The following SHCBP1 variants were observed in gnomAD, a reference collection of about 807,000 sequenced individuals.
SHCBP1 encodes SHC binding and spindle associated 1.
SHCBP1 carries 60 observed loss-of-function variants against 75.1 expected under a neutral mutation model. The observed-to-expected ratio is 0.80, with a 90% CI of 0.65 to 0.99. SHCBP1 has a LOEUF of 0.99. SHCBP1 is among the 50% of genes least tolerant of loss of function. The probability of loss-of-function intolerance (pLI) is 0.00; values close to 1 mark genes in which losing one functional copy is unlikely to be tolerated. For synonymous variants in SHCBP1, 290 were observed against 293.2 expected (o/e 0.99, Z 0.11); for missense variants, 709 against 809.4 (o/e 0.88, Z 1.50).
At chr16:46,586,888 TAAG>T (rs1448042142) in intron 10 of SHCBP1, among the ~76,000 whole-genome samples, 4 of 151,868 alleles carry the variant, frequency 2.6e-5, no homozygotes, top group Non-Finnish European at 5.9e-5. Flanking sequence ...CAAGATATTC[TAAG>T]AAGAAGGAAA....
intron 10 of SHCBP1, among the ~76,000 whole-genome samples, chr16:46,591,374 G>A (rs1965045667): frequency 6.6e-6 from 1 of 152,016 alleles, no homozygotes; most frequent in Admixed American, 6.6e-5. Context: ...AAGCAGGTGT[G>A]GCTATATTCA....
At chr16:46,589,663 T>G (rs1451016031) in intron 10 of SHCBP1, among the ~76,000 whole-genome samples, 1 of 151,968 alleles carries the variant, frequency 6.6e-6, no homozygotes, top group Non-Finnish European at 1.5e-5. Context: ...CACTGCTCAA[T>G]GAAATAAAAG....
intron 5 of SHCBP1, among the ~76,000 whole-genome samples, chr16:46,605,964 G>A (rs1290324365): frequency 1.3e-5 from 2 of 148,514 alleles, no homozygotes; most frequent in Non-Finnish European, 3.0e-5. Context: ...GAACAGCTGT[G>A]AAAAAAAAAG....
intron 10 of SHCBP1, among the ~76,000 whole-genome samples, chr16:46,587,137 G>A (rs1457810586): frequency 2.0e-5 from 3 of 152,032 alleles, no homozygotes; most frequent in Non-Finnish European, 2.9e-5. Context: ...CTAGATGTAC[G>A]TACATAAGGC....
intron 1 of SHCBP1, among the ~76,000 whole-genome samples, chr16:46,618,576 C>T (rs2334117): frequency 8.4e-6 from 1 of 119,346 alleles, no homozygotes; most frequent in African/African-American, 2.5e-5. Flanking sequence ...AAACAATAAG[C>T]GCTTAAGATC....
At position 46,616,620 on chromosome 16, in the gene SHCBP1, G is replaced by A. The variant is rs1965504039; in HGVS notation, c.388-466C>T. ...GAGCAGCAAGATATGAGGTGAGAAAGAGAGGCAACGAGACCAGGACATGAA... is the reference window on the plus strand; with the variant it reads ...GAGCAGCAAGATATGAGGTGAGAAAAAGAGGCAACGAGACCAGGACATGAA... On this transcript the variant is annotated intron_variant, in intron 3 of 12. Transcript: ENST00000303383. The surrounding 1 kb of genome is among the most constrained non-coding windows in gnomAD (Gnocchi z 4.4). Among the ~76,000 whole-genome samples, 2 of 152,144 alleles carry A rather than the reference G, an allele frequency of 1.3e-5. 1 individual carries two copies. The highest frequency in any genetic ancestry group is 4.1e-4 in the South Asian group (2 of 4,830).
At chr16:46,602,873 T>C (rs754598720) in intron 8 of SHCBP1, among the ~76,000 whole-genome samples, 1 of 152,156 alleles carries the variant, frequency 6.6e-6, no homozygotes, top group African/African-American at 2.4e-5. Flanking sequence ...TCAAGTGATC[T>C]GCCCACCTCG....
intron 1 of SHCBP1, chr16:46,620,463 G>A (rs1965568581): frequency 6.6e-6 from 1 of 152,138 alleles, no homozygotes; most frequent in Non-Finnish European, 1.5e-5. Flanking sequence ...ATGCCATGCA[G>A]TATTTATTTT....
rs1391436820 is a variant in SHCBP1, at chr16:46,615,463, T to G, written c.596+483A>C. ...TGATTTAAAACATTTTTAGACCAGG[T>G]GCACGGTGGGTCACACCTGTAATCC... On this transcript the variant is annotated intron_variant, in intron 4 of 12. Transcript: ENST00000303383. 4.6e-5 allele frequency among the ~76,000 whole-genome samples: 7 copies of G among 152,296 alleles called. No homozygotes were observed. In the East Asian group the frequency reaches 1.2e-3, roughly 25 times the overall value.
chr16:46,607,692 C>G (rs1393963999), intron 5 of SHCBP1, among the ~76,000 whole-genome samples: 1 of 151,958 alleles, frequency 6.6e-6, no homozygotes, highest in East Asian at 1.9e-4. Context: ...CTTATGAATA[C>G]AAGAAAAAAT....
intron 9 of SHCBP1, among the ~76,000 whole-genome samples, chr16:46,599,256 T>C (rs562852187): frequency 1.3e-5 from 2 of 152,308 alleles, no homozygotes; most frequent in Non-Finnish European, 2.9e-5. Flanking sequence ...CCTTCCTCAC[T>C]ATGTTAAACA....
At chr16:46,585,869 A>G (rs1964948089) in intron 10 of SHCBP1, among the ~76,000 whole-genome samples, 1 of 152,126 alleles carries the variant, frequency 6.6e-6, no homozygotes, top group Non-Finnish European at 1.5e-5. Flanking sequence ...TCCCACCCCT[A>G]CATAGCAGTA....
chr16:46,591,506 AAT>A (rs1347125210), intron 10 of SHCBP1, among the ~76,000 whole-genome samples: 1 of 152,172 alleles, frequency 6.6e-6, no homozygotes, highest in African/African-American at 2.4e-5. Context: ...AGAACTGCAA[AAT>A]ATGTGAAGCA....
intron 12 of SHCBP1, among the ~76,000 whole-genome samples, chr16:46,582,740 C>A (rs1354613200): frequency 6.6e-6 from 1 of 152,154 alleles, no homozygotes; most frequent in Non-Finnish European, 1.5e-5. Context: ...TGAGTCCTGC[C>A]CAGCTGACAC....
At chr16:46,593,526 T>G (rs868230360) in intron 10 of SHCBP1, among the ~76,000 whole-genome samples, 2 of 151,802 alleles carry the variant, frequency 1.3e-5, no homozygotes, top group Non-Finnish European at 2.9e-5. Context: ...AGCCTAGGAG[T>G]TGGAGAACAG....
At chr16:46,598,011 C>T (rs7198647) in intron 9 of SHCBP1, among the ~76,000 whole-genome samples, 2,315 of 152,314 alleles carry the variant, frequency 0.015, 57 homozygotes, top group African/African-American at 0.053. Flanking sequence ...TCAGTCACGT[C>T]TTGAGGTTCT....
At position 46,582,003 on chromosome 16, in the gene SHCBP1, C is replaced by T. The variant is rs1964879423; in HGVS notation, c.1745G>A (p.Arg582Lys). ...QTSGEPDVAE[R>K]VDLEELIECA... ...CTCAATCAGCTCTTCTAGATCCACT[C>T]TTTCAGCCACATCTGGCTCTCCACT... Residue 582 changes from arginine (R) to lysine (K), a missense_variant, in exon 13 of 13, where the codon AGA becomes AAA. Arg to Lys is a conservative substitution (Grantham distance 26). Coordinates refer to ENST00000303383, the MANE Select transcript of SHCBP1 (RefSeq NM_024745.5). 1 of 1,613,904 alleles carries T rather than the reference C, an allele frequency of 6.2e-7. No individual in the cohort carries two copies. Among genetic ancestry groups the T allele is most frequent in the African/African-American group, 1.3e-5 (1 of 74,938 alleles).
chr16:46,608,088 T>TA (rs1444101562), intron 5 of SHCBP1, among the ~76,000 whole-genome samples: 1 of 152,242 alleles, frequency 6.6e-6, no homozygotes, highest in Non-Finnish European at 1.5e-5. Context: ...TCTGCACTTG[T>TA]ACAAGTTTCA....
At chr16:46,600,642 C>A (rs762021706) in intron 8 of SHCBP1, among the ~76,000 whole-genome samples, 1 of 152,162 alleles carries the variant, frequency 6.6e-6, no homozygotes, top group Non-Finnish European at 1.5e-5. Flanking sequence ...TTCTCTTAAA[C>A]AGTTGGCTTA....
Sources: allele counts gnomAD v4.1 joint callset (sites outside exome capture counted in the v4.1 genomes callset), GRCh38; gene constraint gnomAD v4.1.1; non-coding constraint Gnocchi (gnomAD v3.1); transcripts MANE v1.5; gene names NCBI Gene and HGNC (gene_info 2026-07-23, HGNC 2026-07-21).